SALL2: variants seen among roughly 807,000 people sequenced by gnomAD.
SALL2 encodes the protein spalt like transcription factor 2.
In SALL2, 32 loss-of-function variants were observed where a neutral mutation model predicts 58.5. That is an observed-to-expected ratio of 0.55 (90% CI 0.41 to 0.74). The LOEUF is 0.74. Ranked by LOEUF, SALL2 falls within the 30% of genes least tolerant of loss-of-function variation. The pLI is 0.00. For synonymous variants in SALL2, 516 were observed against 513.6 expected, an observed-to-expected ratio of 1.00 and a Z score of -0.06; for missense variants, 1,201 against 1,268.9, an observed-to-expected ratio of 0.95 and a Z score of 0.81.
rs1197332102 is a variant in SALL2, at chr14:21,523,571, G to A, written c.2151C>T (p.Pro717=). The change falls in exon 2 of 2, where the codon CCC becomes CCT. Residue 717 remains proline, a synonymous_variant. Coordinates refer to ENST00000537235, the MANE Select transcript of SALL2 (RefSeq NM_001364564.1). This position sits in a 1 kb window ranked among gnomAD's most constrained non-coding sequence, Gnocchi z 4.4. ...HVRMHLGGQI[P]NGGTALPEGG... is the part of the protein sequence containing the mutation. ...CTTCAGGGAGTGCAGTACCACCGTT[G>A]GGGATCTGGCCCCCCAGGTGCATCC... The A allele has an allele frequency of 3.7e-6, 6 of 1,614,186 alleles. No individual in the cohort carries two copies. Among genetic ancestry groups the A allele is most frequent in the South Asian group, 3.3e-5 (3 of 91,086 alleles).
upstream of SALL2, among the ~76,000 whole-genome samples, chr14:21,528,370 A>G (rs1292659193): frequency 1.3e-5 from 2 of 152,192 alleles, no homozygotes; most frequent in Non-Finnish European, 2.9e-5. Flanking sequence ...AAAGGTAGGA[A>G]GTCTTTTATT....
At chr14:21,534,342 G>T (rs931757990) in intron 1 of SALL2, among the ~76,000 whole-genome samples, 1 of 152,096 alleles carries the variant, frequency 6.6e-6, no homozygotes, top group African/African-American at 2.4e-5. Context: ...TCTTAACAGA[G>T]GGTGCTACTG....
chr14:21,522,388 G>C lies in SALL2; in HGVS notation c.*316C>G. ...TAGGTGCTCAGGTGCACCTACCAAA[G>C]GGAAAGGGAGAGGAGAGAGGAGGGG... On this transcript the variant is annotated 3_prime_UTR_variant, in exon 2 of 2. Coordinates refer to ENST00000537235, the MANE Select transcript of SALL2 (RefSeq NM_001364564.1). The C allele has an allele frequency of 4.9e-6, 7 of 1,425,730 alleles. No homozygotes were observed. In the South Asian group the frequency reaches 1.1e-4, roughly 22 times the overall value. The allele number at this position is 1,425,730 out of a possible 1,614,324, so 88.3% of individuals were successfully genotyped here.
At chr14:21,528,633 A>G (rs1344377592), upstream of SALL2, among the ~76,000 whole-genome samples, 6 of 152,124 alleles carry the variant, frequency 3.9e-5, no homozygotes, top group Non-Finnish European at 8.8e-5. Context: ...AGTTTTGTGC[A>G]ATGTGGTTTA....
chr14:21,524,264 C>T lies in SALL2; in HGVS notation c.1458G>A (p.Glu486=). The T allele has an allele frequency of 6.2e-7, 1 of 1,613,894 alleles. No individual in the cohort carries two copies. Residue 486 remains glutamate, a synonymous_variant, in exon 2 of 2, where the codon GAG becomes GAA. Transcript: ENST00000537235. The stretch of plus-strand genomic sequence containing the variant: ...CACTGGTGGAGAGCAGAGTCAGGCT[C>T]TCTGTGGCACTGAGTGCTGTTGTGG... ...VASTTALSAT[E]SLTLLSTSAG...
At position 21,522,874 on chromosome 14, in the gene SALL2, G is replaced by A. The variant is rs766372667; in HGVS notation, c.2848C>T (p.Arg950Trp). ...CVFCRQGFLE[R>W]ATLKKHMLLA... ...AGCATATGCTTCTTGAGGGTAGCCC[G>A]CTCAAGAAAGCCCTGCCTGCAGAAA... Residue 950 changes from arginine to tryptophan, a missense_variant, in exon 2 of 2, where the codon CGG becomes TGG. Arg to Trp is a moderately radical substitution (Grantham distance 101). This residue lies in a region of SALL2 where 675 missense variants were observed against 683.8 expected (regional missense o/e 0.99). Coordinates refer to ENST00000537235, the MANE Select transcript of SALL2 (RefSeq NM_001364564.1). 3.5e-5 allele frequency: 57 copies of A among 1,610,370 alleles called. 1 individual carries two copies. The highest frequency in any genetic ancestry group is 2.5e-4 in the South Asian group (23 of 90,638).
In SALL2 at chr14:21,524,233, T is replaced by A; in HGVS notation, c.1489A>T (p.Thr497Ser). The change falls in exon 2 of 2, where the codon ACA becomes TCA. Residue 497 changes from threonine (T) to serine (S), a missense_variant. Physicochemically the swap from Thr to Ser is moderately conservative, Grantham distance 58. Coordinates refer to ENST00000537235, the MANE Select transcript of SALL2 (RefSeq NM_001364564.1). ...SLTLLSTSAGTATAPGLPAFN... is the reference protein window; with the variant it reads ...SLTLLSTSAGSATAPGLPAFN... ...GCAGGGAGTCCTGGAGCCGTGGCTG[T>A]GCCTGCACTGGTGGAGAGCAGAGTC... is the stretch of plus-strand genomic sequence containing the variant. 6.2e-7 allele frequency: 1 copy of A among 1,613,396 alleles called. No homozygotes were observed. Among genetic ancestry groups the A allele is most frequent in the African/African-American group, 1.3e-5 (1 of 75,070 alleles).
Position 21,523,986 on chromosome 14 carries a change from G to T in SALL2, c.1736C>A (p.Pro579His). 1 of 1,614,200 alleles carries T rather than the reference G, an allele frequency of 6.2e-7. No homozygotes were observed. The highest frequency in any genetic ancestry group is 1.1e-5 in the South Asian group (1 of 91,086). ...GSFPFPYVLEPLGASPSETSK... is the reference protein window; with the variant it reads ...GSFPFPYVLEHLGASPSETSK... ...TGTCTCAGAGGGTGAGGCCCCCAAG[G>T]GCTCTAGCACATAGGGGAAGGGGAA... The change falls in exon 2 of 2, where the codon CCC becomes CAC. Residue 579 changes from proline to histidine, a missense_variant. Physicochemically the swap from Pro to His is moderately conservative, Grantham distance 77. Around this residue, in one of 3 missense-constraint regions of SALL2, gnomAD observed 675 missense variants for 683.8 expected, o/e 0.99. Transcript: ENST00000537235. The surrounding 1 kb of genome is among the most constrained non-coding windows in gnomAD (Gnocchi z 4.4).
chr14:21,522,639 G>C lies in SALL2; in HGVS notation c.*65C>G. On this transcript the variant is annotated 3_prime_UTR_variant, in exon 2 of 2. Transcript: ENST00000537235. ...ACAAAATCAGGGCTCATAACTCTGG[G>C]AGGTCCTTTTGTGAAGCTGTTTCTG... is the stretch of plus-strand genomic sequence containing the variant. The C allele has an allele frequency of 6.7e-7, 1 of 1,496,280 alleles. No individual in the cohort carries two copies. The allele number at this position is 1,496,280 out of a possible 1,614,324, so 92.7% of individuals were successfully genotyped here.
At position 21,523,244 on chromosome 14, in the gene SALL2, A is replaced by T; in HGVS notation, c.2478T>A (p.Asn826Lys). 6.2e-7 allele frequency: 1 copy of T among 1,613,762 alleles called. No individual in the cohort carries two copies. The highest frequency in any genetic ancestry group is 1.1e-5 in the South Asian group (1 of 91,070). The change falls in exon 2 of 2, where the codon AAT becomes AAA. Residue 826 changes from asparagine (N) to lysine (K), a missense_variant. This residue lies in a region of SALL2 where 675 missense variants were observed against 683.8 expected (regional missense o/e 0.99). Coordinates refer to ENST00000537235, the MANE Select transcript of SALL2 (RefSeq NM_001364564.1). This position sits in a 1 kb window ranked among gnomAD's most constrained non-coding sequence, Gnocchi z 4.4. The part of the protein sequence containing the change: ...AATAGKEMDS[N>K]EKTTQQSSLP... ...AAGAAGACTGTTGAGTAGTTTTCTC[A>T]TTACTGTCCATCTCCTTCCCAGCTG...
chr14:21,523,134 T>TC lies in SALL2; in HGVS notation c.2587dup (p.Glu863GlyfsTer87). On this transcript the variant is annotated frameshift_variant, in exon 2 of 2. Coordinates refer to ENST00000537235, the MANE Select transcript of SALL2 (RefSeq NM_001364564.1). LOFTEE classifies it high-confidence loss of function. The surrounding 1 kb of genome is among the most constrained non-coding windows in gnomAD (Gnocchi z 4.4). ...TGAGCTTCTCTCCGGTTTGCCCCCC[T>TC]CTTCCTTGCCTCCTAAAACACCACT... 6.2e-7 allele frequency: 1 copy of TC among 1,614,160 alleles called. No homozygotes were observed. The highest frequency in any genetic ancestry group is 8.5e-7 in the Non-Finnish European group (1 of 1,179,990).
Position 21,525,521 on chromosome 14 carries a change from C to T in SALL2, c.201G>A (p.Gln67=), listed in dbSNP as rs1892264000. The T allele has an allele frequency of 1.9e-6, 3 of 1,613,862 alleles. No homozygotes were observed. The highest frequency in any genetic ancestry group is 2.7e-5 in the African/African-American group (2 of 74,876). The part of the protein sequence containing the change: ...DPPVMVIIGG[Q]ENPNNSSASS... ...AGGCCGAAGAGTTGTTGGGGTTCTCCTGGCCCCCAATTATCACCATTACAG... is the reference window on the plus strand; with the variant it reads ...AGGCCGAAGAGTTGTTGGGGTTCTCTTGGCCCCCAATTATCACCATTACAG... Residue 67 remains glutamine (Q), a synonymous_variant, in exon 2 of 2, where the codon CAG becomes CAA. Transcript: ENST00000537235. The surrounding 1 kb of genome is among the most constrained non-coding windows in gnomAD (Gnocchi z 4.4).
rs369621765 is a variant in SALL2, at chr14:21,525,468, T to C, written c.254A>G (p.Asn85Ser). Residue 85 changes from asparagine to serine, a missense_variant, in exon 2 of 2, where the codon AAT (asparagine) becomes AGT (serine). Around this residue, in one of 3 missense-constraint regions of SALL2, gnomAD observed 467 missense variants for 468.9 expected, o/e 1.00. Coordinates refer to ENST00000537235, the MANE Select transcript of SALL2 (RefSeq NM_001364564.1). This position sits in a 1 kb window ranked among gnomAD's most constrained non-coding sequence, Gnocchi z 4.4. ...CTCTGTGTCCATGACCTGAGGATTA[T>C]TGTGACCCTCAGGCCGGGGTTCAGA... Reference protein sequence around the residue: ...ASSEPRPEGHNNPQVMDTEHS... With the variant: ...ASSEPRPEGHSNPQVMDTEHS... 19 of 1,613,730 alleles carry C rather than the reference T, an allele frequency of 1.2e-5. No individual in the cohort carries two copies. The Admixed American group carries it at 1.8e-4, about 16-fold the overall frequency.
At chr14:21,526,518 C>T, upstream of SALL2, 1 of 1,156,658 alleles carries the variant, frequency 8.6e-7, no homozygotes. Context: ...TGCGGGGGTC[C>T]ACCTTTCCCG....
At chr14:21,529,529 G>A (rs966667203), upstream of SALL2, among the ~76,000 whole-genome samples, 3 of 151,950 alleles carry the variant, frequency 2.0e-5, no homozygotes. Context: ...AAATTTTTAT[G>A]TTTAGGTGCA....
In SALL2 at chr14:21,524,135, A is replaced by G. The variant is rs1364625272; in HGVS notation, c.1587T>C (p.Ser529=). 6.2e-7 allele frequency: 1 copy of G among 1,612,748 alleles called. No homozygotes were observed. The change falls in exon 2 of 2, where the codon AGT becomes AGC. Residue 529 remains serine (S), a synonymous_variant. Transcript: ENST00000537235. ...CCACTCCACTGATGGCTGAGCCCTC[A>G]CTCCCTGGGGGGGTGTTTTCATCAG... is the stretch of plus-strand genomic sequence containing the variant. ...NKADENTPPG[S]EGSAISGVAE...
rs114730878 is a variant in SALL2 at position 21,535,911 on chromosome 14, G to T, written c.-114+1051C>A. Among the ~76,000 whole-genome samples the T allele has an allele frequency of 4.8e-3, 729 of 152,206 alleles. 7 individuals carry two copies. The highest frequency in any genetic ancestry group is 0.016 in the African/African-American group (680 of 41,502). On this transcript the variant is annotated intron_variant, in intron 1 of 1. Transcript: ENST00000541965. ...TAGATTCCCACACCCTGGCTCAGAT[G>T]TACTCACAATCAGGCAAGTTTTTAA...
chr14:21,535,252 G>A (rs1330124749), intron 1 of SALL2, among the ~76,000 whole-genome samples: 1 of 151,800 alleles, frequency 6.6e-6, no homozygotes, highest in Non-Finnish European at 1.5e-5. Context: ...GGCTGAGGCA[G>A]GAGAATGGCG....
intron 1 of SALL2, 33 bp downstream of exon 1, chr14:21,526,028 C>A (rs1017598423): frequency 6.7e-7 from 1 of 1,490,078 alleles, no homozygotes; most frequent in Non-Finnish European, 9.0e-7. Flanking sequence ...CCTCCGCCCC[C>A]ACCCCTGCCC....
Sources: allele counts gnomAD v4.1 joint callset (sites outside exome capture counted in the v4.1 genomes callset), GRCh38; gene constraint gnomAD v4.1.1; regional missense constraint gnomAD v4.1.1; non-coding constraint Gnocchi (gnomAD v3.1); transcripts MANE v1.5; gene names NCBI Gene and HGNC (gene_info 2026-07-23, HGNC 2026-07-21).